The following GRIN2B variants were observed in gnomAD, a reference collection of about 807,000 sequenced individuals.
The protein encoded by GRIN2B is glutamate ionotropic receptor NMDA type subunit 2B, also known as glutamate receptor ionotropic, NMDA 2B.
A neutral mutation model predicts 114.5 loss-of-function variants in GRIN2B; 5 were observed. That is an observed-to-expected ratio of 0.04 (90% CI 0.02 to 0.09). GRIN2B has a LOEUF of 0.09. GRIN2B is among the 10% of genes least tolerant of loss of function. GRIN2B has a pLI of 1.00. For synonymous variants in GRIN2B, 787 were observed against 745.1 expected, an observed-to-expected ratio of 1.06 and a Z score of -0.92; for missense variants, 1,108 against 1,943.5, an observed-to-expected ratio of 0.57 and a Z score of 8.08.
At chr12:13,852,283 A>C (rs1865580753) in intron 3 of GRIN2B, among the ~76,000 whole-genome samples, 1 of 152,140 alleles carries the variant, frequency 6.6e-6, no homozygotes, top group African/African-American at 2.4e-5. Context: ...GGAAGGGAGG[A>C]AATGATATTC....
rs774497797 is a variant in GRIN2B, at chr12:13,567,014, A to G, written c.2598+11T>C. On this transcript the variant is annotated intron_variant, in intron 13 of 13. Coordinates refer to ENST00000609686, the MANE Select transcript of GRIN2B (RefSeq NM_000834.5). ...CTAACAAGCTTTAGGCATTTAAATC[A>G]AAACACTTACTCTGCTGATGGAGAA... The G allele has an allele frequency of 1.2e-5, 19 of 1,593,362 alleles. No individual in the cohort carries two copies. The South Asian group carries it at 2.1e-4, about 18-fold the overall frequency.
intron 4 of GRIN2B, among the ~76,000 whole-genome samples, chr12:13,747,079 G>A (rs1863399174): frequency 6.6e-6 from 1 of 152,144 alleles, no homozygotes; most frequent in Non-Finnish European, 1.5e-5. Context: ...AAAGGAGGAA[G>A]GCGAAGAGAA....
chr12:13,967,818 G>T (rs1867813480), intron 2 of GRIN2B, among the ~76,000 whole-genome samples: 1 of 152,174 alleles, frequency 6.6e-6, no homozygotes, highest in Non-Finnish European at 1.5e-5. Context: ...GCTGAAACTT[G>T]CAGGCATGAG....
At chr12:13,887,703 A>G (rs1216760574) in intron 2 of GRIN2B, among the ~76,000 whole-genome samples, 1 of 152,372 alleles carries the variant, frequency 6.6e-6, no homozygotes, top group East Asian at 1.9e-4. Flanking sequence ...AAAGTGAGTA[A>G]TGAAGACTGA....
chr12:13,854,764 A>C (rs1865630482), intron 3 of GRIN2B, among the ~76,000 whole-genome samples: 1 of 152,140 alleles, frequency 6.6e-6, no homozygotes, highest in South Asian at 2.1e-4. Context: ...TGAGTTCAAG[A>C]TCATACTGTT....
chr12:13,810,828 T>G (rs1864716055), intron 3 of GRIN2B, among the ~76,000 whole-genome samples: 1 of 152,222 alleles, frequency 6.6e-6, no homozygotes, highest in Admixed American at 6.5e-5. Flanking sequence ...GTCAACACTT[T>G]CAAATCTTGG....
intron 2 of GRIN2B, among the ~76,000 whole-genome samples, chr12:13,955,158 A>G (rs1434644204): frequency 6.6e-6 from 1 of 152,214 alleles, no homozygotes; most frequent in Non-Finnish European, 1.5e-5. Context: ...ATAATAAACT[A>G]TAAACAAATG....
chr12:13,918,072 T>G (rs2098469), intron 2 of GRIN2B, among the ~76,000 whole-genome samples: 17,086 of 152,220 alleles, frequency 0.11, 1,155 homozygotes, highest in South Asian at 0.18. Flanking sequence ...AAAAAAGCCC[T>G]GGACTTGGCA....
chr12:13,902,849 G>A (rs1375548049), intron 2 of GRIN2B, among the ~76,000 whole-genome samples: 1 of 151,994 alleles, frequency 6.6e-6, no homozygotes, highest in Non-Finnish European at 1.5e-5. Flanking sequence ...TTCTTTAATG[G>A]TTGCCAAGAC....
chr12:13,846,909 T>C (rs1162885880), intron 3 of GRIN2B, among the ~76,000 whole-genome samples: 3 of 151,840 alleles, frequency 2.0e-5, no homozygotes, highest in Non-Finnish European at 4.4e-5. Context: ...AAGAAAGCAG[T>C]ATAACAAAAT....
intron 10 of GRIN2B, among the ~76,000 whole-genome samples, chr12:13,588,852 TAA>T (rs1948967740): frequency 6.6e-6 from 1 of 152,164 alleles, no homozygotes; most frequent in African/African-American, 2.4e-5. Context: ...CAGAAATGAT[TAA>T]AAGTGAGGGG....
chr12:13,616,388 A>G, intron 6 of GRIN2B, 67 bp downstream of exon 6: 1 of 1,155,742 alleles, frequency 8.7e-7, no homozygotes, highest in Non-Finnish European at 1.3e-6. Flanking sequence ...CAGGCCAGCC[A>G]AGTGCTAACA....
Position 13,541,822 on chromosome 12 carries a change from C to T in GRIN2B, c.*20961G>A, listed in dbSNP as rs1948283102. 1 of 152,194 alleles carries T rather than the reference C, an allele frequency of 6.6e-6. No homozygotes were observed. The allele number at this position is 152,194 out of a possible 1,614,324, so 9.4% of individuals were successfully genotyped here. On this transcript the variant is annotated 3_prime_UTR_variant, in exon 14 of 14. Coordinates refer to ENST00000609686, the MANE Select transcript of GRIN2B (RefSeq NM_000834.5). ...GAAATGGCCTAACAGTTTCTCTTCTCAAATTATGATTTTTTCAGGTGGCAC... is the reference window on the plus strand; with the variant it reads ...GAAATGGCCTAACAGTTTCTCTTCTTAAATTATGATTTTTTCAGGTGGCAC...
chr12:13,979,043 A>T (rs1486792773), intron 2 of GRIN2B, among the ~76,000 whole-genome samples: 2 of 152,208 alleles, frequency 1.3e-5, no homozygotes, highest in Non-Finnish European at 2.9e-5. Flanking sequence ...TCACGTGTCG[A>T]ATTCTGCACC....
At chr12:13,892,377 C>T (rs1866278233) in intron 2 of GRIN2B, among the ~76,000 whole-genome samples, 1 of 152,114 alleles carries the variant, frequency 6.6e-6, no homozygotes, top group African/African-American at 2.4e-5. Context: ...CAGTCTTGGT[C>T]CTTTTATAAA....
rs1043729722 is a variant in GRIN2B at position 13,657,233 on chromosome 12, C to G, written c.1125+18512G>C. Among the ~76,000 whole-genome samples the G allele has an allele frequency of 3.3e-5, 5 of 152,258 alleles. 1 individual carries two copies. Among genetic ancestry groups the G allele is most frequent in the Admixed American group, 1.3e-4 (2 of 15,288 alleles). On this transcript the variant is annotated intron_variant, in intron 5 of 13. Coordinates refer to ENST00000609686, the MANE Select transcript of GRIN2B (RefSeq NM_000834.5). ...AGGAAAACCACTTCCTGTCTTGGAG[C>G]ACGTGGTTACTGAATGGTGTCCTGG...
At position 13,554,851 on chromosome 12, in the gene GRIN2B, T is replaced by C. The variant is rs1289069579; in HGVS notation, c.*7932A>G. 6.6e-6 allele frequency: 1 copy of C among 152,166 alleles called. No homozygotes were observed. Among genetic ancestry groups the C allele is most frequent in the Non-Finnish European group, 1.5e-5 (1 of 68,014 alleles). The allele number at this position is 152,166 out of a possible 1,614,324, so 9.4% of individuals were successfully genotyped here. ...GCAAAAGTGCCTGAAAAGCTTGAGT[T>C]CGGTGACGGAAGACATGGTGATACC... On this transcript the variant is annotated 3_prime_UTR_variant, in exon 14 of 14. Coordinates refer to ENST00000609686, the MANE Select transcript of GRIN2B (RefSeq NM_000834.5).
chr12:13,931,824 G>A (rs532335212), intron 2 of GRIN2B, among the ~76,000 whole-genome samples: 2 of 152,016 alleles, frequency 1.3e-5, no homozygotes, highest in South Asian at 2.1e-4. Context: ...CGCAAGTTAA[G>A]TCAGCTGTAC....
chr12:13,858,864 G>T (rs1865706808), intron 3 of GRIN2B, among the ~76,000 whole-genome samples: 1 of 152,118 alleles, frequency 6.6e-6, no homozygotes, highest in African/African-American at 2.4e-5. Flanking sequence ...ATCAGTAATT[G>T]CATCACCAAA....
Sources: gnomAD v4.1 joint callset for allele counts (sites outside exome capture counted in the v4.1 genomes callset) on GRCh38, gnomAD v4.1.1 for gene constraint, MANE v1.5 for transcripts, NCBI Gene and HGNC (gene_info 2026-07-23, HGNC 2026-07-21) for gene names.